JARID2: variants seen among roughly 807,000 people sequenced by gnomAD.
JARID2 encodes the protein protein Jumonji.
In JARID2, 21 loss-of-function variants were observed where a neutral mutation model predicts 125.6. The ratio of observed to expected loss-of-function variants is 0.17; its 90% CI spans 0.12 to 0.24. The LOEUF (loss-of-function observed/expected upper bound fraction) is 0.24, where lower values mean the gene tolerates loss of function less well. Among genes scored for constraint, JARID2 ranks in the 10% least tolerant of loss-of-function variants. JARID2 has a pLI of 1.00. For synonymous variants in JARID2, 736 were observed against 661.6 expected (o/e 1.11, Z -1.73); for missense variants, 1,303 against 1,639.6 (o/e 0.79, Z 3.55).
At chr6:15,467,208 T>C (rs945415982) in intron 4 of JARID2, among the ~76,000 whole-genome samples, 1 of 152,208 alleles carries the variant, frequency 6.6e-6, no homozygotes, top group East Asian at 1.9e-4. Context: ...TCCATTTCCT[T>C]GTCACTGAGC....
At position 15,303,484 on chromosome 6, in the gene JARID2, C is replaced by A. The variant is rs182265792; in HGVS notation, c.45+56900C>A. Among the ~76,000 whole-genome samples, 525 of 152,366 alleles carry A rather than the reference C, an allele frequency of 3.4e-3. 2 individuals carry two copies. The highest frequency in any genetic ancestry group is 0.012 in the African/African-American group (497 of 41,586). ...AAAGCCACTTAACTCCTGGCCTTCC[C>A]TCTTTGGTGGGTGCTTTTTAAGCCT... is the stretch of plus-strand genomic sequence containing the variant. On this transcript the variant is annotated intron_variant, in intron 1 of 17. Coordinates refer to ENST00000341776, the MANE Select transcript of JARID2 (RefSeq NM_004973.4).
chr6:15,263,591 A>ATTTTTTT (rs763727930), intron 1 of JARID2, among the ~76,000 whole-genome samples: 2 of 131,636 alleles, frequency 1.5e-5, no homozygotes, highest in Admixed American at 7.8e-5. Flanking sequence ...GAGTCAGACA[A>ATTTTTTT]TTTTTTTTTT....
intron 1 of JARID2, among the ~76,000 whole-genome samples, chr6:15,284,589 C>T (rs146030829): frequency 3.6e-3 from 547 of 150,872 alleles, no homozygotes; most frequent in Non-Finnish European, 6.1e-3. Flanking sequence ...CGGGTTCCAG[C>T]GATTCTCCTG....
chr6:15,335,752 G>A (rs560017680), intron 1 of JARID2, among the ~76,000 whole-genome samples: 173 of 152,264 alleles, frequency 1.1e-3, no homozygotes, highest in Middle Eastern at 3.4e-3. Flanking sequence ...GTGCTGCTCA[G>A]TGTTTCTGTG....
At chr6:15,291,883 A>G (rs1459519236) in intron 1 of JARID2, among the ~76,000 whole-genome samples, 1 of 152,028 alleles carries the variant, frequency 6.6e-6, no homozygotes, top group Non-Finnish European at 1.5e-5. Context: ...CTATTTTTTT[A>G]CTGGACAGTG....
At chr6:15,363,220 A>G (rs1763861068) in intron 1 of JARID2, among the ~76,000 whole-genome samples, 1 of 152,152 alleles carries the variant, frequency 6.6e-6, no homozygotes, top group Non-Finnish European at 1.5e-5. Context: ...GTTTTCCTGG[A>G]AGACTAGGAT....
intron 1 of JARID2, among the ~76,000 whole-genome samples, chr6:15,307,105 G>T (rs1177022627): frequency 6.6e-6 from 1 of 151,810 alleles, no homozygotes; most frequent in Non-Finnish European, 1.5e-5. Flanking sequence ...AGCTGGGCGT[G>T]GTGGCAGGCG....
At chr6:15,447,166 G>A (rs1190799813) in intron 3 of JARID2, among the ~76,000 whole-genome samples, 2 of 152,004 alleles carry the variant, frequency 1.3e-5, no homozygotes, top group Non-Finnish European at 2.9e-5. Context: ...CCCCCACTGC[G>A]CCAACCCTAT....
intron 2 of JARID2, among the ~76,000 whole-genome samples, chr6:15,387,128 A>G (rs1187215318): frequency 6.6e-6 from 1 of 152,206 alleles, no homozygotes; most frequent in East Asian, 1.9e-4. Flanking sequence ...GAGGCACTCT[A>G]TAGAGACATC....
At chr6:15,386,640 T>A (rs1017334974) in intron 2 of JARID2, among the ~76,000 whole-genome samples, 5 of 152,228 alleles carry the variant, frequency 3.3e-5, no homozygotes, top group Non-Finnish European at 7.3e-5. Flanking sequence ...TCTTTAAATG[T>A]ATTTGCTCAT....
At chr6:15,415,437 C>CG (rs1190690064) in intron 3 of JARID2, among the ~76,000 whole-genome samples, 1 of 147,608 alleles carries the variant, frequency 6.8e-6, no homozygotes, top group Non-Finnish European at 1.5e-5. Context: ...GCTGGCCGGG[C>CG]GGGGGGCTGA....
chr6:15,258,510 G>T (rs576711287), intron 1 of JARID2, among the ~76,000 whole-genome samples: 33 of 152,204 alleles, frequency 2.2e-4, no homozygotes, highest in African/African-American at 7.5e-4. Flanking sequence ...ATAGCCGGAC[G>T]TGGTGGCTCA....
intron 2 of JARID2, among the ~76,000 whole-genome samples, chr6:15,381,348 A>C (rs1360623808): frequency 6.6e-6 from 1 of 151,292 alleles, no homozygotes; most frequent in African/African-American, 2.4e-5. Context: ...TCTCAAAAAA[A>C]AAAAAAAAAA....
intron 2 of JARID2, among the ~76,000 whole-genome samples, chr6:15,408,653 T>G (rs1765748710): frequency 6.6e-6 from 1 of 152,260 alleles, no homozygotes; most frequent in Admixed American, 6.5e-5. Flanking sequence ...TTTCCACAAT[T>G]AATACAACAT....
At chr6:15,422,770 C>T (rs1042565112) in intron 3 of JARID2, among the ~76,000 whole-genome samples, 3 of 152,232 alleles carry the variant, frequency 2.0e-5, no homozygotes, top group East Asian at 1.9e-4. Flanking sequence ...TGGGCTTCCC[C>T]GCTCCCCCTC....
At chr6:15,247,469 A>C in intron 1 of JARID2, 2 of 981,384 alleles carry the variant, frequency 2.0e-6, no homozygotes, top group East Asian at 1.1e-4. Flanking sequence ...AGGGGGACCG[A>C]GGGATTAACC....
intron 17 of JARID2, among the ~76,000 whole-genome samples, chr6:15,517,720 G>A (rs188086610): frequency 2.6e-5 from 4 of 152,306 alleles, no homozygotes; most frequent in Admixed American, 2.0e-4. Context: ...GTGAAATCCC[G>A]GTGCCTTCCT....
intron 1 of JARID2, among the ~76,000 whole-genome samples, chr6:15,261,582 A>T (rs1759880104): frequency 1.3e-5 from 2 of 151,802 alleles, no homozygotes; most frequent in South Asian, 4.1e-4. Context: ...GGCCTCCCAA[A>T]GTGCTGGGAT....
At chr6:15,461,196 A>T (rs1368321968) in intron 4 of JARID2, among the ~76,000 whole-genome samples, 3 of 152,170 alleles carry the variant, frequency 2.0e-5, no homozygotes, top group Admixed American at 2.0e-4. Context: ...TGCAGACAAC[A>T]ATATAGGAAG....
Sources: allele counts gnomAD v4.1 joint callset (sites outside exome capture counted in the v4.1 genomes callset), GRCh38; gene constraint gnomAD v4.1.1; transcripts MANE v1.5; gene names NCBI Gene and HGNC (gene_info 2026-07-23, HGNC 2026-07-21).